The following CCDC13 variants were observed in gnomAD, a reference collection of about 807,000 sequenced individuals.
The protein encoded by CCDC13 is coiled-coil domain-containing protein 13.
CCDC13 carries 70 observed loss-of-function variants against 87.3 expected under a neutral mutation model. The ratio of observed to expected loss-of-function variants is 0.80; its 90% CI spans 0.66 to 0.98. The LOEUF is 0.98. CCDC13 is among the 50% of genes least tolerant of loss of function. The pLI, the probability that CCDC13 is intolerant of heterozygous loss-of-function variation, is 0.00. For missense variants in CCDC13, 842 were observed against 892.0 expected (o/e 0.94, Z 0.71); for synonymous variants, 317 against 360.3 (o/e 0.88, Z 1.36).
At chr3:42,725,825 C>T (rs553951929) in intron 13 of CCDC13, among the ~76,000 whole-genome samples, 1 of 152,136 alleles carries the variant, frequency 6.6e-6, no homozygotes, top group East Asian at 1.9e-4. Flanking sequence ...AGGAAAAAAG[C>T]CCCACTGAAG....
chr3:42,743,129 A>T, intron 7 of CCDC13, 72 bp from the exon 8 acceptor site: 1 of 1,548,438 alleles, frequency 6.5e-7, no homozygotes. Flanking sequence ...GTGTGATAGG[A>T]GACCCCACAG....
chr3:42,771,308 A>G (rs1212611432), intron 1 of CCDC13, among the ~76,000 whole-genome samples: 1 of 152,220 alleles, frequency 6.6e-6, no homozygotes, highest in East Asian at 1.9e-4. Flanking sequence ...CTTCTAAATG[A>G]AAAATATCAG....
intron 13 of CCDC13, among the ~76,000 whole-genome samples, chr3:42,728,106 T>C (rs1353728464): frequency 2.0e-5 from 3 of 152,230 alleles, no homozygotes; most frequent in Non-Finnish European, 4.4e-5. Context: ...GAAAAATTGA[T>C]AAAATGTAAG....
rs146959908 is a variant in CCDC13, at chr3:42,714,448, T to G, written c.1719-1132A>C. On this transcript the variant is annotated intron_variant, in intron 13 of 15. Transcript: ENST00000310232. ...TCGCTTTTCTTGGAGTTAGTGATTA[T>G]CTTAAGCTTATTGTTTTGTTTTCTA... is the stretch of plus-strand genomic sequence containing the variant. Among the ~76,000 whole-genome samples the G allele has an allele frequency of 4.7e-3, 715 of 152,330 alleles. 5 individuals are homozygous for G. Among genetic ancestry groups the G allele is most frequent in the African/African-American group, 0.016 (673 of 41,568 alleles).
In CCDC13 at chr3:42,752,667, A is replaced by G; in HGVS notation, c.421T>C (p.Ser141Pro). 1 of 1,614,132 alleles carries G rather than the reference A, an allele frequency of 6.2e-7. No homozygotes were observed. Among genetic ancestry groups the G allele is most frequent in the Non-Finnish European group, 8.5e-7 (1 of 1,180,038 alleles). ...DVVATKIVEL[S>P]KKNRLLMAES... ...GCCATCAACAGCCGGTTCTTTTTTG[A>G]TAGCTCCACAATTTTGGTGGCGACC... The change falls in exon 4 of 16, where the codon TCA (serine) becomes CCA (proline). Residue 141 changes from serine (S) to proline (P), a missense_variant. Transcript: ENST00000310232.
intron 11 of CCDC13, 117 bp from the exon 12 acceptor site, chr3:42,733,087 C>A: frequency 1.3e-6 from 1 of 788,206 alleles, no homozygotes; most frequent in Non-Finnish European, 2.0e-6. Flanking sequence ...ACCCTTGCAG[C>A]AGTCCTGTGG....
intron 13 of CCDC13, among the ~76,000 whole-genome samples, chr3:42,730,246 C>T (rs1440597283): frequency 6.6e-6 from 1 of 152,038 alleles, no homozygotes. Context: ...ATACAACAGT[C>T]CCATTGGGTG....
rs956450866 is a variant in CCDC13 at position 42,735,744 on chromosome 3, C to T, written c.1334G>A (p.Arg445Gln). Residue 445 changes from arginine to glutamine, a missense_variant, in exon 10 of 16, where the codon CGA (arginine) becomes CAA (glutamine). By Grantham distance (43) the Arg-to-Gln change is conservative. Coordinates refer to ENST00000310232, the MANE Select transcript of CCDC13 (RefSeq NM_144719.4). ...AMVAEREAKV[R>Q]QLEMEIGQLN... ...TTGTCCGATCTCCATCTCCAGCTGT[C>T]GCACTTTGGCCTCCCGCTCAGCTAC... 5.0e-6 allele frequency: 8 copies of T among 1,614,218 alleles called. No homozygotes were observed. Among genetic ancestry groups the T allele is most frequent in the Non-Finnish European group, 6.8e-6 (8 of 1,180,040 alleles).
In CCDC13 at chr3:42,709,804, G is replaced by A. The variant is rs774246712; in HGVS notation, c.1874-6C>T. Reference sequence around the variant, plus strand: ...GTTGTTAGAGGTGGGCAGACCTGTGGGGCAGCAGCAACCACTTTCTGTGAG... The same window carrying A: ...GTTGTTAGAGGTGGGCAGACCTGTGAGGCAGCAGCAACCACTTTCTGTGAG... On this transcript the variant is annotated splice_region_variant and splice_polypyrimidine_tract_variant and intron_variant, in intron 14 of 15. Coordinates refer to ENST00000310232, the MANE Select transcript of CCDC13 (RefSeq NM_144719.4). 36 of 1,611,486 alleles carry A rather than the reference G, an allele frequency of 2.2e-5. No homozygotes were observed. Among genetic ancestry groups the A allele is most frequent in the South Asian group, 1.1e-4 (10 of 91,014 alleles).
intron 3 of CCDC13, among the ~76,000 whole-genome samples, chr3:42,756,524 A>G (rs1452086238): frequency 6.6e-6 from 1 of 150,434 alleles, no homozygotes; most frequent in African/African-American, 2.5e-5. Flanking sequence ...AGAACAGGTG[A>G]CTCATCTACC....
At chr3:42,769,178 C>G (rs1172518081) in intron 1 of CCDC13, among the ~76,000 whole-genome samples, 1 of 151,996 alleles carries the variant, frequency 6.6e-6, no homozygotes, top group Admixed American at 6.6e-5. Flanking sequence ...AAGATCTGAA[C>G]AAACTCCTCA....
intron 1 of CCDC13, among the ~76,000 whole-genome samples, chr3:42,766,522 A>G (rs1699935862): frequency 6.6e-6 from 1 of 150,428 alleles, no homozygotes; most frequent in South Asian, 2.2e-4. Context: ...AGGGGAGGTA[A>G]TTCTCAGATC....
intron 10 of CCDC13, among the ~76,000 whole-genome samples, chr3:42,734,115 C>A (rs533480705): frequency 6.6e-6 from 1 of 152,288 alleles, no homozygotes; most frequent in African/African-American, 2.4e-5. Context: ...TCCCTCAACC[C>A]CTTCCTCTTC....
At position 42,747,312 on chromosome 3, in the gene CCDC13, C is replaced by T; in HGVS notation, c.665G>A (p.Ser222Asn). ...AGACTGGATCTGGTTTCGGAGGTCA[C>T]TCATCTTCAAGTTGGTGGCCACCAG... ...DRLVATNLKM[S>N]DLRNQIQSVK... The change falls in exon 6 of 16, where the codon AGT becomes AAT. Residue 222 changes from serine to asparagine, a missense_variant. Physicochemically the swap from Ser to Asn is conservative, Grantham distance 46. Transcript: ENST00000310232. 6.2e-7 allele frequency: 1 copy of T among 1,614,142 alleles called. No homozygotes were observed. Among genetic ancestry groups the T allele is most frequent in the Non-Finnish European group, 8.5e-7 (1 of 1,180,022 alleles).
At chr3:42,711,751 G>A (rs1283572550) in intron 14 of CCDC13, among the ~76,000 whole-genome samples, 1 of 152,220 alleles carries the variant, frequency 6.6e-6, no homozygotes, top group Non-Finnish European at 1.5e-5. Flanking sequence ...GGGCCAGGGG[G>A]AGGCGGGTAA....
intron 13 of CCDC13, among the ~76,000 whole-genome samples, chr3:42,723,388 A>G (rs1302768732): frequency 6.6e-6 from 1 of 152,216 alleles, no homozygotes; most frequent in East Asian, 1.9e-4. Flanking sequence ...GAGTAACCTT[A>G]AATAGCTCTG....
chr3:42,752,598 G>A lies in CCDC13; in HGVS notation c.490C>T (p.Arg164Cys), dbSNP rs547999003. ...AKTRVKQLTN[R>C]IQELERELQT... is the part of the protein sequence containing the mutation. Reference sequence around the variant, plus strand: ...ACTTCCCGCTCCAGCTCCTGGATGCGATTGGTCAGCTGCTTCACCCTGGTT... The same window carrying A: ...ACTTCCCGCTCCAGCTCCTGGATGCAATTGGTCAGCTGCTTCACCCTGGTT... The change falls in exon 4 of 16, where the codon CGC becomes TGC. Residue 164 changes from arginine (R) to cysteine (C), a missense_variant. Arg to Cys is a radical substitution (Grantham distance 180). Transcript: ENST00000310232. 3.9e-5 allele frequency: 63 copies of A among 1,614,204 alleles called. No homozygotes were observed. The East Asian group carries it at 6.7e-4, about 17-fold the overall frequency.
rs180980060 is a variant in CCDC13, at chr3:42,732,932, G to A, written c.1550C>T (p.Ala517Val). Residue 517 changes from alanine (A) to valine (V), a missense_variant, in exon 12 of 16, where the codon GCT becomes GTT. By Grantham distance (64) the Ala-to-Val change is moderately conservative. Transcript: ENST00000310232. ...ACTGGGCAGGGAAGGCCTCGTGAGA[G>A]CAGATTCCACCAGTGTGTGGCCCAG... The part of the protein sequence containing the change: ...TSLGHTLVES[A>V]LTRPSLPSPH... 60 of 1,554,604 alleles carry A rather than the reference G, an allele frequency of 3.9e-5. No individual in the cohort carries two copies. In the Admixed American group the frequency reaches 1.1e-3, roughly 29 times the overall value.
intron 3 of CCDC13, among the ~76,000 whole-genome samples, chr3:42,755,107 A>G (rs1699675566): frequency 6.6e-6 from 1 of 152,228 alleles, no homozygotes; most frequent in African/African-American, 2.4e-5. Flanking sequence ...GAATGGTGGT[A>G]AAGTTTCTAC....
Sources: gnomAD v4.1 joint callset for allele counts (sites outside exome capture counted in the v4.1 genomes callset) on GRCh38, gnomAD v4.1.1 for gene constraint, MANE v1.5 for transcripts, NCBI Gene and HGNC (gene_info 2026-07-23, HGNC 2026-07-21) for gene names.